Variants in SFSWAP observed in about 807,000 individuals in gnomAD.
The protein encoded by SFSWAP is splicing factor SWAP.
A neutral mutation model predicts 100.7 loss-of-function variants in SFSWAP; 17 were observed. That is an observed-to-expected ratio of 0.17 (90% CI 0.12 to 0.25). The LOEUF is 0.25. Ranked by LOEUF, SFSWAP falls within the 10% of genes least tolerant of loss-of-function variation. The pLI is 1.00. For missense variants in SFSWAP, 1,005 were observed against 1,262.6 expected (o/e 0.80, Z 3.09); for synonymous variants, 504 against 510.1 (o/e 0.99, Z 0.16).
At chr12:131,773,010 A>G (rs1161355342) in intron 13 of SFSWAP, among the ~76,000 whole-genome samples, 1 of 152,130 alleles carries the variant, frequency 6.6e-6, no homozygotes, top group Non-Finnish European at 1.5e-5. Context: ...CTCTTTGCTC[A>G]GATGCTTTCT....
At chr12:131,751,163 A>G (rs1279980325) in intron 7 of SFSWAP, among the ~76,000 whole-genome samples, 1 of 152,234 alleles carries the variant, frequency 6.6e-6, no homozygotes, top group Non-Finnish European at 1.5e-5. Context: ...CTTTGAAAAC[A>G]GTTTCTTCAT....
rs71072785 is a variant in SFSWAP, at chr12:131,738,885, C to CTTTTTTTTT, written c.1081+10473_1081+10481dup. ...TTCCAGTGCTGTAATGAACATTATT[C>CTTTTTTTTT]TTTTTTTTTTTTTTTTTTTTTTTTG... On this transcript the variant is annotated intron_variant, in intron 7 of 17. Coordinates refer to ENST00000261674, the MANE Select transcript of SFSWAP (RefSeq NM_004592.4). Among the ~76,000 whole-genome samples, 6 of 48,752 alleles carry CTTTTTTTTT rather than the reference C, an allele frequency of 1.2e-4. 1 individual carries two copies. The highest frequency in any genetic ancestry group is 1.8e-4 in the African/African-American group (3 of 17,138). The allele number at this position is 48,752 out of a possible 152,430, so 32.0% of individuals were successfully genotyped here.
chr12:131,743,149 C>G (rs1880810872), intron 7 of SFSWAP, among the ~76,000 whole-genome samples: 1 of 152,244 alleles, frequency 6.6e-6, no homozygotes, highest in Admixed American at 6.5e-5. Flanking sequence ...GGGACATGGC[C>G]AAACCATATC....
intron 3 of SFSWAP, among the ~76,000 whole-genome samples, chr12:131,717,920 A>G (rs527346075): frequency 2.0e-5 from 3 of 152,200 alleles, no homozygotes; most frequent in East Asian, 3.9e-4. Flanking sequence ...TAATGGAGAC[A>G]GGATTTCACC....
chr12:131,714,803 A>G lies in SFSWAP; in HGVS notation c.389-19A>G. ...GTAATTTTCTATTTTTGTTGATAAAATTCTCATTTTTATTCAAGAGGAAGA... is the reference window on the plus strand; with the variant it reads ...GTAATTTTCTATTTTTGTTGATAAAGTTCTCATTTTTATTCAAGAGGAAGA... On this transcript the variant is annotated intron_variant, in intron 2 of 17. Transcript: ENST00000261674. The surrounding 1 kb of genome is among the most constrained non-coding windows in gnomAD (Gnocchi z 6.0). The G allele has an allele frequency of 6.2e-7, 1 of 1,607,808 alleles. No homozygotes were observed. Among genetic ancestry groups the G allele is most frequent in the Non-Finnish European group, 8.5e-7 (1 of 1,175,494 alleles).
At chr12:131,740,216 G>C (rs1880471849) in intron 7 of SFSWAP, among the ~76,000 whole-genome samples, 1 of 152,140 alleles carries the variant, frequency 6.6e-6, no homozygotes, top group South Asian at 2.1e-4. Flanking sequence ...GCTGCTCTCT[G>C]AGTTTTTTCA....
chr12:131,755,656 A>C lies in SFSWAP; in HGVS notation c.1548+177A>C, dbSNP rs112667045. 9.9e-3 allele frequency among the ~76,000 whole-genome samples: 1,499 copies of C among 152,062 alleles called. 25 individuals are homozygous for C. The highest frequency in any genetic ancestry group is 0.033 in the African/African-American group (1,362 of 41,476). ...ACGTCCCCCTTAGCTCTGGAACCTG[A>C]TCTGTTGAAAGCATCTGCCCACGTT... On this transcript the variant is annotated intron_variant, in intron 10 of 17. Transcript: ENST00000261674.
chr12:131,736,414 A>G lies in SFSWAP; in HGVS notation c.1081+7986A>G, dbSNP rs56655330. 4.1e-3 allele frequency among the ~76,000 whole-genome samples: 618 copies of G among 151,116 alleles called. 13 individuals carry two copies. The South Asian group carries it at 0.042, about 10-fold the overall frequency. ...AATTAATTTTTTAAAAAATGAGGGG[A>G]AAAAAAAAGCCTGTATGTCTAAACA... On this transcript the variant is annotated intron_variant, in intron 7 of 17. Transcript: ENST00000261674.
intron 15 of SFSWAP, among the ~76,000 whole-genome samples, chr12:131,791,432 A>T (rs1566061028): frequency 2.0e-5 from 3 of 151,992 alleles, no homozygotes; most frequent in Non-Finnish European, 4.4e-5. Flanking sequence ...CCAGTCCCAG[A>T]TGGCTTCACC....
chr12:131,759,532 G>T (rs1882465989), intron 11 of SFSWAP, among the ~76,000 whole-genome samples: 1 of 152,162 alleles, frequency 6.6e-6, no homozygotes, highest in African/African-American at 2.4e-5. Flanking sequence ...GGGCGCGGTG[G>T]CTCACGCTTG....
chr12:131,723,835 C>T (rs953120681), intron 4 of SFSWAP, among the ~76,000 whole-genome samples: 6 of 152,320 alleles, frequency 3.9e-5, no homozygotes, highest in Non-Finnish European at 5.9e-5. Context: ...AGCCCCCTTC[C>T]GGGGCTCTGT....
chr12:131,753,202 C>A lies in SFSWAP; in HGVS notation c.1161C>A (p.Ile387=). ...TYCLAPPPPG[I]DVTTYYSTLP... ...GCCTGGCGCCGCCCCCTCCCGGAATCGACGTGACTACTTACTACAGCACCC... is the reference window on the plus strand; with the variant it reads ...GCCTGGCGCCGCCCCCTCCCGGAATAGACGTGACTACTTACTACAGCACCC... Residue 387 remains isoleucine (I), a synonymous_variant, in exon 8 of 18, where the codon ATC becomes ATA. Transcript: ENST00000261674. 1 of 1,614,196 alleles carries A rather than the reference C, an allele frequency of 6.2e-7. No homozygotes were observed. Among genetic ancestry groups the A allele is most frequent in the Non-Finnish European group, 8.5e-7 (1 of 1,180,028 alleles).
chr12:131,721,102 A>G (rs1878433814), intron 4 of SFSWAP, among the ~76,000 whole-genome samples: 1 of 152,136 alleles, frequency 6.6e-6, no homozygotes. Context: ...ACACACTTTC[A>G]AATGACCAGA....
chr12:131,767,191 G>A (rs1450115245), intron 13 of SFSWAP, among the ~76,000 whole-genome samples: 1 of 151,854 alleles, frequency 6.6e-6, no homozygotes, highest in Non-Finnish European at 1.5e-5. Context: ...CTGTGCCAAG[G>A]GGATTGCTCC....
In SFSWAP at chr12:131,733,622, G is replaced by A. The variant is rs1302858428; in HGVS notation, c.1081+5194G>A. The stretch of plus-strand genomic sequence containing the variant: ...TCTTGGGGGCTCACCGACTGCAGCC[G>A]TATTCCTGGAGAGAGAAGGAGGCCT... On this transcript the variant is annotated intron_variant, in intron 7 of 17. Coordinates refer to ENST00000261674, the MANE Select transcript of SFSWAP (RefSeq NM_004592.4). This position sits in a 1 kb window ranked among gnomAD's most constrained non-coding sequence, Gnocchi z 5.1. Among the ~76,000 whole-genome samples the A allele has an allele frequency of 1.3e-5, 2 of 151,948 alleles. No homozygotes were observed. Among genetic ancestry groups the A allele is most frequent in the Admixed American group, 6.5e-5 (1 of 15,274 alleles).
chr12:131,766,881 C>T lies in SFSWAP; in HGVS notation c.2142+573C>T, dbSNP rs567720618. 1.4e-4 allele frequency among the ~76,000 whole-genome samples: 22 copies of T among 152,386 alleles called. No individual in the cohort carries two copies. The East Asian group carries it at 3.8e-3, about 27-fold the overall frequency. The stretch of plus-strand genomic sequence containing the variant: ...AAGTCTCCCTGCCAAGGAGGGGGTG[C>T]TCAGAACAGTGCCTCAGACCAGAGG... On this transcript the variant is annotated intron_variant, in intron 13 of 17. Transcript: ENST00000261674.
At chr12:131,741,795 A>G (rs1251200716) in intron 7 of SFSWAP, among the ~76,000 whole-genome samples, 3 of 152,276 alleles carry the variant, frequency 2.0e-5, no homozygotes, top group East Asian at 3.9e-4. Context: ...CTGTCTTCCC[A>G]GATTCATCTG....
Position 131,746,900 on chromosome 12 carries a change from C to T in SFSWAP, c.1082-6223C>T, listed in dbSNP as rs193196131. Among the ~76,000 whole-genome samples, 270 of 152,178 alleles carry T rather than the reference C, an allele frequency of 1.8e-3. 1 individual carries two copies. Among genetic ancestry groups the T allele is most frequent in the Non-Finnish European group, 2.3e-3 (159 of 68,004 alleles). Reference sequence around the variant, plus strand: ...CGGGCAGATCATGAGGTCAGGAGATCGAGACCATCCTGGCTAACACGGTGA... The same window carrying T: ...CGGGCAGATCATGAGGTCAGGAGATTGAGACCATCCTGGCTAACACGGTGA... On this transcript the variant is annotated intron_variant, in intron 7 of 17. Transcript: ENST00000261674.
chr12:131,716,946 T>G (rs895829145), intron 3 of SFSWAP, among the ~76,000 whole-genome samples: 2 of 152,236 alleles, frequency 1.3e-5, no homozygotes, highest in Admixed American at 6.5e-5. Flanking sequence ...AAAGTTCTCT[T>G]TAGTATTTTA....
Sources: gnomAD v4.1 joint callset for allele counts (sites outside exome capture counted in the v4.1 genomes callset) on GRCh38, gnomAD v4.1.1 for gene constraint, Gnocchi (gnomAD v3.1) non-coding constraint, MANE v1.5 for transcripts, NCBI Gene and HGNC (gene_info 2026-07-23, HGNC 2026-07-21) for gene names.